The following AP3S1 variants were observed in gnomAD, a reference collection of about 807,000 sequenced individuals.
AP3S1 encodes the protein AP-3 complex subunit sigma-1.
A neutral mutation model predicts 21.3 loss-of-function variants in AP3S1; 12 were observed. The observed-to-expected ratio is 0.56, with a 90% CI of 0.36 to 0.91. The LOEUF is 0.91. AP3S1 is among the 40% of genes least tolerant of loss of function. AP3S1 has a pLI of 0.01. For missense variants in AP3S1, 116 were observed against 225.0 expected, an observed-to-expected ratio of 0.52 and a Z score of 3.10; for synonymous variants, 48 against 78.4, an observed-to-expected ratio of 0.61 and a Z score of 2.05.
chr5:115,863,869 A>G (rs1237178738), intron 1 of AP3S1, among the ~76,000 whole-genome samples: 1 of 152,258 alleles, frequency 6.6e-6, no homozygotes, highest in Non-Finnish European at 1.5e-5. Flanking sequence ...AAAAATGTCA[A>G]GATGACAGGA....
At chr5:115,864,596 A>C (rs185436392) in intron 1 of AP3S1, among the ~76,000 whole-genome samples, 85 of 152,340 alleles carry the variant, frequency 5.6e-4, no homozygotes, top group African/African-American at 2.0e-3. Flanking sequence ...GAGGCCTGAA[A>C]CAGTGCATTC....
chr5:115,859,976 C>T (rs1443618225), intron 1 of AP3S1, among the ~76,000 whole-genome samples: 2 of 152,162 alleles, frequency 1.3e-5, no homozygotes, highest in Admixed American at 6.5e-5. Flanking sequence ...CCAAACTTAT[C>T]GTTGTACGGT....
In AP3S1 at chr5:115,841,974, G is replaced by A; in HGVS notation, c.-64G>A. 4.6e-6 allele frequency: 7 copies of A among 1,520,090 alleles called. No homozygotes were observed. The highest frequency in any genetic ancestry group is 6.2e-6 in the Non-Finnish European group (7 of 1,127,398). The allele number at this position is 1,520,090 out of a possible 1,614,324, so 94.2% of individuals were successfully genotyped here. A position where few individuals can be genotyped will look rare whatever the true frequency, so the allele number is the denominator to read the frequency against. ...GAAGGATCGCAGGCGAGATTACGAGGCGAGGCTCGCGCGCCCGCCCCCGCC... is the reference window on the plus strand; with the variant it reads ...GAAGGATCGCAGGCGAGATTACGAGACGAGGCTCGCGCGCCCGCCCCCGCC... On this transcript the variant is annotated 5_prime_UTR_variant, in exon 1 of 6. Transcript: ENST00000316788.
intron 1 of AP3S1, among the ~76,000 whole-genome samples, chr5:115,853,575 C>G (rs1762596591): frequency 6.6e-6 from 1 of 152,132 alleles, no homozygotes; most frequent in Non-Finnish European, 1.5e-5. Context: ...TGTTTCCTTT[C>G]AAGAGTTTAG....
At chr5:115,896,355 C>G (rs1330940684) in intron 4 of AP3S1, among the ~76,000 whole-genome samples, 1 of 152,156 alleles carries the variant, frequency 6.6e-6, no homozygotes, top group African/African-American at 2.4e-5. Context: ...GGACAGTGTA[C>G]TTAAGCATGA....
chr5:115,899,897 C>T (rs1279753802), intron 4 of AP3S1, among the ~76,000 whole-genome samples: 1 of 151,738 alleles, frequency 6.6e-6, no homozygotes, highest in East Asian at 1.9e-4. Flanking sequence ...AAAACAAGGT[C>T]TCTCAGTGGT....
chr5:115,895,045 TA>T (rs1750633434), intron 3 of AP3S1, 41 bp from the exon 4 acceptor site: 2 of 1,370,170 alleles, frequency 1.5e-6, no homozygotes, highest in Non-Finnish European at 2.0e-6. Flanking sequence ...TAGTTTTGAA[TA>T]AATTTAAACA....
chr5:115,893,372 A>T (rs1477523164), intron 3 of AP3S1, among the ~76,000 whole-genome samples: 1 of 152,218 alleles, frequency 6.6e-6, no homozygotes, highest in Non-Finnish European at 1.5e-5. Flanking sequence ...AATTTTTAGG[A>T]AATTTCATGA....
intron 3 of AP3S1, among the ~76,000 whole-genome samples, 197 bp downstream of exon 3, chr5:115,870,325 T>G (rs1180737539): frequency 6.6e-6 from 1 of 152,160 alleles, no homozygotes; most frequent in East Asian, 1.9e-4. Context: ...TCATAACTAG[T>G]TTAATCATGA....
chr5:115,842,603 G>A (rs1309006049), intron 1 of AP3S1: 1 of 154,858 alleles, frequency 6.5e-6, no homozygotes, highest in African/African-American at 2.4e-5. Flanking sequence ...TCTTTGGACA[G>A]ATGGGCTACC....
intron 3 of AP3S1, among the ~76,000 whole-genome samples, chr5:115,888,699 A>G (rs1187452910): frequency 1.3e-5 from 2 of 152,082 alleles, no homozygotes; most frequent in Non-Finnish European, 2.9e-5. Context: ...TTAACAAATT[A>G]CAGTGTCTTG....
chr5:115,842,189 C>A (rs1050619634), intron 1 of AP3S1, 83 bp downstream of exon 1: 2 of 1,480,976 alleles, frequency 1.4e-6, no homozygotes, highest in African/African-American at 2.9e-5. Flanking sequence ...TCAGAGCGAC[C>A]CCCTCCGGCG....
At chr5:115,872,149 G>C (rs893733537) in intron 3 of AP3S1, among the ~76,000 whole-genome samples, 1 of 152,062 alleles carries the variant, frequency 6.6e-6, no homozygotes, top group Non-Finnish European at 1.5e-5. Flanking sequence ...ACAAAAATTA[G>C]ACAGGCATGC....
At chr5:115,904,772 G>T (rs1028485544) in intron 5 of AP3S1, among the ~76,000 whole-genome samples, 4 of 152,102 alleles carry the variant, frequency 2.6e-5, no homozygotes, top group Admixed American at 1.3e-4. Flanking sequence ...AGTCTTAAAA[G>T]AACTTAAAAT....
intron 5 of AP3S1, among the ~76,000 whole-genome samples, chr5:115,904,820 T>C (rs1415413064): frequency 2.0e-5 from 3 of 151,430 alleles, no homozygotes; most frequent in African/African-American, 7.4e-5. Context: ...CAAAACTGTA[T>C]GGTTATAGAT....
chr5:115,892,984 A>G (rs1412940564), intron 3 of AP3S1, among the ~76,000 whole-genome samples: 1 of 152,190 alleles, frequency 6.6e-6, no homozygotes, highest in African/African-American at 2.4e-5. Context: ...TAGCTAGACA[A>G]AATTAACTGT....
chr5:115,846,555 G>GTT (rs760506831), intron 1 of AP3S1, among the ~76,000 whole-genome samples: 5 of 128,024 alleles, frequency 3.9e-5, no homozygotes, highest in Non-Finnish European at 6.8e-5. Context: ...CTTCTTTCTC[G>GTT]TTTTTTTTTT....
intron 3 of AP3S1, among the ~76,000 whole-genome samples, chr5:115,875,083 A>G (rs1284451828): frequency 1.3e-5 from 2 of 152,168 alleles, no homozygotes; most frequent in Non-Finnish European, 2.9e-5. Context: ...TAAAGCATAT[A>G]TTTGTAAGAA....
chr5:115,853,470 A>G, intron 1 of AP3S1, among the ~76,000 whole-genome samples: 1 of 151,890 alleles, frequency 6.6e-6, no homozygotes, highest in Non-Finnish European at 1.5e-5. Context: ...TTGAATTTTG[A>G]TATCATCTAG....
Sources: allele counts gnomAD v4.1 joint callset (sites outside exome capture counted in the v4.1 genomes callset), GRCh38; gene constraint gnomAD v4.1.1; transcripts MANE v1.5; gene names NCBI Gene and HGNC (gene_info 2026-07-23, HGNC 2026-07-21).